The following SAMD12 variants were observed in gnomAD, a reference collection of about 807,000 sequenced individuals.
SAMD12 encodes sterile alpha motif domain-containing protein 12.
A neutral mutation model predicts 15.0 loss-of-function variants in SAMD12; 9 were observed. That is an observed-to-expected ratio of 0.60 (90% confidence interval 0.36 to 1.05). The LOEUF (loss-of-function observed/expected upper bound fraction) is 1.05. SAMD12 is among the 50% of genes least tolerant of loss of function. The pLI, the probability that SAMD12 is intolerant of heterozygous loss-of-function variation, is 0.01. For missense variants in SAMD12, 230 were observed against 234.2 expected, an observed-to-expected ratio of 0.98 and a Z score of 0.12; for synonymous variants, 86 against 90.1, an observed-to-expected ratio of 0.96 and a Z score of 0.25.
intron 4 of SAMD12, chr8:118,284,534 C>A (rs754869948): frequency 1.5e-5 from 5 of 343,714 alleles, no homozygotes; most frequent in Non-Finnish European, 2.3e-5. Flanking sequence ...AACATCAAGA[C>A]TGACTGGAAA....
chr8:118,504,394 A>C (rs1824868854), intron 2 of SAMD12, among the ~76,000 whole-genome samples: 1 of 152,124 alleles, frequency 6.6e-6, no homozygotes, highest in Non-Finnish European at 1.5e-5. Context: ...AGTCAAGGAG[A>C]CCCAGCTGTC....
At chr8:118,240,731 C>T (rs542657172) in intron 4 of SAMD12, among the ~76,000 whole-genome samples, 12 of 151,240 alleles carry the variant, frequency 7.9e-5, no homozygotes, top group African/African-American at 2.4e-4. Flanking sequence ...CGACTACAAG[C>T]GTTGCTCAAT....
the SAMD12 span, among the ~76,000 whole-genome samples, chr8:118,175,784 G>T: frequency 6.6e-6 from 1 of 152,104 alleles, no homozygotes; most frequent in African/African-American, 2.4e-5. Flanking sequence ...AAACCACAAT[G>T]ATATATCATA....
At chr8:118,504,752 G>A (rs76031493) in intron 2 of SAMD12, among the ~76,000 whole-genome samples, 3,588 of 152,280 alleles carry the variant, frequency 0.024, 115 homozygotes, top group African/African-American at 0.076. Flanking sequence ...ACATATAGAA[G>A]AGAAGACAAA....
At chr8:118,251,120 C>T (rs759146082) in intron 4 of SAMD12, among the ~76,000 whole-genome samples, 23 of 152,026 alleles carry the variant, frequency 1.5e-4, no homozygotes, top group East Asian at 9.6e-4. Flanking sequence ...ATAGGGGTGC[C>T]GTGAGTGAGA....
At chr8:118,532,216 T>G (rs757458114) in intron 2 of SAMD12, among the ~76,000 whole-genome samples, 30 of 152,216 alleles carry the variant, frequency 2.0e-4, no homozygotes, top group Admixed American at 6.5e-5. Context: ...TGCCTTTGGT[T>G]CTGTTTAAAT....
At chr8:118,473,010 T>A (rs1203216048) in intron 2 of SAMD12, among the ~76,000 whole-genome samples, 3 of 152,190 alleles carry the variant, frequency 2.0e-5, no homozygotes, top group African/African-American at 7.2e-5. Flanking sequence ...CCCAGGAGGC[T>A]GACCTCTACA....
intron 1 of SAMD12, among the ~76,000 whole-genome samples, chr8:118,595,987 A>G (rs1827713655): frequency 6.6e-6 from 1 of 152,348 alleles, no homozygotes; most frequent in South Asian, 2.1e-4. Flanking sequence ...GTCAATGGAT[A>G]TAAGTGGACA....
chr8:118,566,179 G>A (rs575090053), intron 2 of SAMD12, among the ~76,000 whole-genome samples: 2 of 152,228 alleles, frequency 1.3e-5, no homozygotes, highest in South Asian at 2.1e-4. Flanking sequence ...AACCTGCCAC[G>A]ATGATCTTCT....
At chr8:118,457,699 CTG>C (rs1318500051) in intron 2 of SAMD12, among the ~76,000 whole-genome samples, 1 of 152,146 alleles carries the variant, frequency 6.6e-6, no homozygotes, top group Non-Finnish European at 1.5e-5. Flanking sequence ...ATAAGAAACA[CTG>C]TACAATATCC....
chr8:118,502,791 T>C (rs976039853), intron 2 of SAMD12, among the ~76,000 whole-genome samples: 2 of 152,208 alleles, frequency 1.3e-5, no homozygotes, highest in Admixed American at 6.5e-5. Flanking sequence ...GAGAACGATT[T>C]TGAAAATGGG....
At chr8:118,190,065 A>T (rs985610767) in exon 5 of SAMD12, 1 of 152,108 alleles carries the variant, frequency 6.6e-6, no homozygotes, top group Non-Finnish European at 1.5e-5. Flanking sequence ...CTGCTGGTTT[A>T]ACTACTCACT....
downstream of SAMD12, among the ~76,000 whole-genome samples, chr8:118,187,744 T>C (rs1160548180): frequency 1.3e-5 from 2 of 152,184 alleles, no homozygotes; most frequent in African/African-American, 4.8e-5. Context: ...GGAGAACATG[T>C]TAACTAAAGC....
intron 4 of SAMD12, among the ~76,000 whole-genome samples, chr8:118,216,630 T>C (rs570995729): frequency 1.5e-4 from 23 of 152,326 alleles, no homozygotes; most frequent in Admixed American, 1.5e-3. Flanking sequence ...TATCAATTAC[T>C]AGTAGTTGGT....
Position 118,500,126 on chromosome 8 carries a change from T to A in SAMD12, c.193-60165A>T, listed in dbSNP as rs181045347. 5.9e-3 allele frequency among the ~76,000 whole-genome samples: 761 copies of A among 127,932 alleles called. 7 individuals carry two copies. The highest frequency in any genetic ancestry group is 0.02 in the African/African-American group (679 of 33,880). The allele number at this position is 127,932 out of a possible 152,430, so 83.9% of individuals were successfully genotyped here. A position where few individuals can be genotyped will look rare whatever the true frequency, so the allele number is the denominator to read the frequency against. On this transcript the variant is annotated intron_variant, in intron 2 of 3. Transcript: ENST00000314727. Reference sequence around the variant, plus strand: ...AGAGTTTCACTCTTGTTGCCCAGGCTGGAGGGCAATGGCGCGATCTTGGCT... The same window carrying A: ...AGAGTTTCACTCTTGTTGCCCAGGCAGGAGGGCAATGGCGCGATCTTGGCT...
chr8:118,490,080 A>T (rs1333094427), intron 2 of SAMD12, among the ~76,000 whole-genome samples: 1 of 152,196 alleles, frequency 6.6e-6, no homozygotes, highest in Non-Finnish European at 1.5e-5. Flanking sequence ...AAATTTGTTA[A>T]GTTCTTACTA....
At chr8:118,179,740 G>C in the SAMD12 span, among the ~76,000 whole-genome samples, 13 of 152,158 alleles carry the variant, frequency 8.5e-5, no homozygotes, top group Admixed American at 5.9e-4. Context: ...GAGGCAAAAG[G>C]GAGTGTTTGC....
the SAMD12 span, among the ~76,000 whole-genome samples, chr8:118,135,652 C>G: frequency 6.6e-6 from 1 of 152,170 alleles, no homozygotes; most frequent in Non-Finnish European, 1.5e-5. Context: ...AGGTAATCCT[C>G]TCACCTCAGC....
At chr8:118,459,123 T>C (rs1030261218) in intron 2 of SAMD12, among the ~76,000 whole-genome samples, 2 of 152,048 alleles carry the variant, frequency 1.3e-5, no homozygotes, top group Admixed American at 6.6e-5. Context: ...TGGAGTTCAG[T>C]GGCATGATCT....
Sources: allele counts gnomAD v4.1 joint callset (sites outside exome capture counted in the v4.1 genomes callset), GRCh38; gene constraint gnomAD v4.1.1; transcripts MANE v1.5; gene names NCBI Gene and HGNC (gene_info 2026-07-23, HGNC 2026-07-21).